MLXIP: variants seen among roughly 807,000 people sequenced by gnomAD.
MLXIP encodes the protein MLX interacting protein, also known as MLX-interacting protein.
A neutral mutation model predicts 87.2 loss-of-function variants in MLXIP; 30 were observed. The ratio of observed to expected loss-of-function variants is 0.34; its 90% confidence interval spans 0.26 to 0.47. The LOEUF is 0.47. MLXIP is among the 20% of genes least tolerant of loss of function. MLXIP has a pLI of 1.00. For missense variants in MLXIP, 1,002 were observed against 1,240.1 expected, an observed-to-expected ratio of 0.81 and a Z score of 2.88; for synonymous variants, 530 against 514.0, an observed-to-expected ratio of 1.03 and a Z score of -0.42.
intron 1 of MLXIP, among the ~76,000 whole-genome samples, chr12:122,088,834 G>A (rs1952205726): frequency 6.6e-6 from 1 of 151,988 alleles, no homozygotes; most frequent in Non-Finnish European, 1.5e-5. Context: ...AGGGGAATTA[G>A]CCTAGTTTTC....
intron 1 of MLXIP, among the ~76,000 whole-genome samples, chr12:122,080,951 A>G (rs1952081933): frequency 6.6e-6 from 1 of 152,186 alleles, no homozygotes; most frequent in Non-Finnish European, 1.5e-5. Context: ...TGGATGAGTC[A>G]CGGGGGGCAT....
At chr12:122,122,263 G>T (rs1210480029) in intron 1 of MLXIP, among the ~76,000 whole-genome samples, 2 of 152,218 alleles carry the variant, frequency 1.3e-5, no homozygotes, top group Admixed American at 6.5e-5. Context: ...CATGAGTTAG[G>T]GGAGCAGAAG....
At chr12:122,086,886 G>C (rs1461732378) in intron 1 of MLXIP, among the ~76,000 whole-genome samples, 1 of 152,096 alleles carries the variant, frequency 6.6e-6, no homozygotes, top group Non-Finnish European at 1.5e-5. Context: ...ACTCTCACAG[G>C]CCAGCCCTGC....
chr12:122,090,554 A>G (rs36126817), intron 1 of MLXIP, among the ~76,000 whole-genome samples: 78,672 of 151,750 alleles, frequency 0.52, 20,936 homozygotes, highest in Middle Eastern at 0.65. Context: ...TGGATGGAGA[A>G]ATGGCTTAGT....
chr12:122,115,335 C>A (rs1474171076), intron 1 of MLXIP, among the ~76,000 whole-genome samples: 5 of 151,916 alleles, frequency 3.3e-5, no homozygotes, highest in Non-Finnish European at 7.4e-5. Flanking sequence ...CGCCTATAAT[C>A]CCAGCACTTT....
At chr12:122,107,809 TG>T (rs1393737240) in intron 1 of MLXIP, among the ~76,000 whole-genome samples, 2 of 151,852 alleles carry the variant, frequency 1.3e-5, no homozygotes, top group African/African-American at 2.4e-5. Context: ...AAGGGGGATT[TG>T]GGGGGACATT....
intron 1 of MLXIP, 67 bp downstream of exon 1, chr12:122,079,333 G>A (rs1336216107): frequency 1.4e-6 from 2 of 1,420,488 alleles, no homozygotes; most frequent in Non-Finnish European, 1.9e-6. Flanking sequence ...AAGCGTGGAG[G>A]GAAGGGCCGC....
chr12:122,091,351 T>G (rs1292880197), intron 1 of MLXIP, among the ~76,000 whole-genome samples: 2 of 152,122 alleles, frequency 1.3e-5, no homozygotes, highest in Admixed American at 1.3e-4. Flanking sequence ...GGGAATTGGT[T>G]TCTTCAGCTT....
At chr12:122,130,442 C>T (rs1191319648) in intron 6 of MLXIP, among the ~76,000 whole-genome samples, 2 of 151,520 alleles carry the variant, frequency 1.3e-5, no homozygotes, top group African/African-American at 2.4e-5. Flanking sequence ...TAAGCCGAGG[C>T]GGCCGGGCCG....
chr12:122,092,158 C>T (rs1233513406), intron 1 of MLXIP, among the ~76,000 whole-genome samples: 2 of 151,544 alleles, frequency 1.3e-5, no homozygotes, highest in African/African-American at 4.9e-5. Flanking sequence ...AGTGCAGTGG[C>T]GCGATCTCAG....
intron 5 of MLXIP, 128 bp downstream of exon 5, chr12:122,129,757 C>T: frequency 7.3e-7 from 1 of 1,361,796 alleles, no homozygotes; most frequent in Non-Finnish European, 1.0e-6. Context: ...AGGAATGGCT[C>T]AAGAAGCAGT....
chr12:122,101,804 C>A (rs1952443087), intron 1 of MLXIP, among the ~76,000 whole-genome samples: 1 of 152,126 alleles, frequency 6.6e-6, no homozygotes, highest in Non-Finnish European at 1.5e-5. Context: ...TGGTCTCGAA[C>A]TCCTGACCTT....
chr12:122,135,722 GC>G lies in MLXIP; in HGVS notation c.2032+58del. 6.9e-7 allele frequency: 1 copy of G among 1,444,320 alleles called. No homozygotes were observed. Among genetic ancestry groups the G allele is most frequent in the African/African-American group, 1.4e-5 (1 of 69,966 alleles). The allele number at this position is 1,444,320 out of a possible 1,614,324, so 89.5% of individuals were successfully genotyped here. A position where few individuals can be genotyped will look rare whatever the true frequency, so the allele number is the denominator to read the frequency against. On this transcript the variant is annotated intron_variant, in intron 11 of 16. Coordinates refer to ENST00000319080, the MANE Select transcript of MLXIP (RefSeq NM_014938.6). The surrounding 1 kb of genome is among the most constrained non-coding windows in gnomAD (Gnocchi z 5.3). ...CATCGCAAGGGAAGTAACTGGGCCT[GC>G]CGTAGACCATGGGGGGTGCTTGCTG...
intron 1 of MLXIP, among the ~76,000 whole-genome samples, chr12:122,104,176 A>G (rs1443790968): frequency 1.3e-5 from 2 of 152,192 alleles, no homozygotes; most frequent in Non-Finnish European, 1.5e-5. Flanking sequence ...TAATATGTAA[A>G]CAATAAAATT....
chr12:122,093,468 C>T (rs1319259246), intron 1 of MLXIP, among the ~76,000 whole-genome samples: 11 of 94,980 alleles, frequency 1.2e-4, no homozygotes, highest in East Asian at 3.7e-4. Flanking sequence ...TGTATGTTTG[C>T]GGTGTGTTTG....
At chr12:122,124,142 C>T (rs1952829466) in intron 1 of MLXIP, among the ~76,000 whole-genome samples, 2 of 151,214 alleles carry the variant, frequency 1.3e-5, no homozygotes, top group Non-Finnish European at 3.0e-5. Flanking sequence ...GGGGAACCTC[C>T]CCGCCTCAGC....
rs1307861134 is a variant in MLXIP, at chr12:122,133,661, A to G, written c.1406A>G (p.His469Arg). Residue 469 changes from histidine to arginine, a missense_variant, in exon 9 of 17, where the codon CAT (histidine) becomes CGT (arginine). His to Arg is a conservative substitution (Grantham distance 29). Around this residue, in one of 3 missense-constraint regions of MLXIP, gnomAD observed 746 missense variants for 897.0 expected, o/e 0.83. Coordinates refer to ENST00000319080, the MANE Select transcript of MLXIP (RefSeq NM_014938.6). The surrounding 1 kb of genome is among the most constrained non-coding windows in gnomAD (Gnocchi z 4.9). ...AACCCCCCGGCTCCACCCACCTTCCATCAGCCACAGAAGTTTGCTGGAGTC... is the reference window on the plus strand; with the variant it reads ...AACCCCCCGGCTCCACCCACCTTCCGTCAGCCACAGAAGTTTGCTGGAGTC... ...ALNPPAPPTF[H>R]QPQKFAGVNK... 1.9e-6 allele frequency: 3 copies of G among 1,604,718 alleles called. No homozygotes were observed. The highest frequency in any genetic ancestry group is 4.5e-5 in the East Asian group (2 of 44,568).
intron 1 of MLXIP, among the ~76,000 whole-genome samples, chr12:122,112,805 C>G (rs1952625187): frequency 6.6e-6 from 1 of 152,136 alleles, no homozygotes; most frequent in African/African-American, 2.4e-5. Context: ...AAAGCAGGAT[C>G]CCTACATCAT....
chr12:122,122,055 G>C (rs1952792528), intron 1 of MLXIP, among the ~76,000 whole-genome samples: 1 of 141,518 alleles, frequency 7.1e-6, no homozygotes, highest in South Asian at 2.3e-4. Context: ...GTTGACCTCT[G>C]TTCTGATGGG....
Sources: allele counts gnomAD v4.1 joint callset (sites outside exome capture counted in the v4.1 genomes callset), GRCh38; gene constraint gnomAD v4.1.1; regional missense constraint gnomAD v4.1.1; non-coding constraint Gnocchi (gnomAD v3.1); transcripts MANE v1.5; gene names NCBI Gene and HGNC (gene_info 2026-07-23, HGNC 2026-07-21).